The following ZNF536 variants were observed in gnomAD, a reference collection of about 807,000 sequenced individuals.
ZNF536 encodes the protein zinc finger protein 536.
Under a neutral mutation model 84.5 loss-of-function variants are expected in ZNF536, and 13 were observed. That is an observed-to-expected ratio of 0.15 (90% CI 0.10 to 0.24). The LOEUF is 0.24. Among genes scored for constraint, ZNF536 ranks in the 10% least tolerant of loss-of-function variants. The probability of loss-of-function intolerance (pLI) is 1.00; values close to 1 mark genes in which losing one functional copy is unlikely to be tolerated. For synonymous variants in ZNF536, 811 were observed against 742.5 expected, an observed-to-expected ratio of 1.09 and a Z score of -1.50; for missense variants, 1,536 against 1,747.5, an observed-to-expected ratio of 0.88 and a Z score of 2.16.
chr19:30,320,709 G>T (rs546413288), intron 2 of ZNF536, among the ~76,000 whole-genome samples: 2 of 152,152 alleles, frequency 1.3e-5, no homozygotes, highest in East Asian at 3.9e-4. Context: ...AGGGTAAAAC[G>T]CTCCCCTCCC....
chr19:30,465,731 AATTATTTTATTTTATTTT>A (rs996181821), intron 2 of ZNF536, among the ~76,000 whole-genome samples: 9 of 57,236 alleles, frequency 1.6e-4, no homozygotes, highest in African/African-American at 1.5e-3. Flanking sequence ...TGTCTATAAA[AATTATTTTATTTTATTTT>A]ATTATTTTAT....
intron 3 of ZNF536, among the ~76,000 whole-genome samples, chr19:30,366,876 G>C (rs746531170): frequency 1.3e-5 from 2 of 152,204 alleles, no homozygotes; most frequent in African/African-American, 4.8e-5. Context: ...CAAACAGGGG[G>C]ATCTGAAGCT....
At chr19:30,272,487 T>C (rs2025906734) in intron 1 of ZNF536, among the ~76,000 whole-genome samples, 1 of 152,210 alleles carries the variant, frequency 6.6e-6, no homozygotes, top group Admixed American at 6.5e-5. Flanking sequence ...ATTTTATGGG[T>C]TTTGACAACT....
intron 2 of ZNF536, among the ~76,000 whole-genome samples, chr19:30,303,829 C>T (rs151238067): frequency 9.3e-4 from 142 of 152,298 alleles, no homozygotes; most frequent in African/African-American, 3.0e-3. Flanking sequence ...CAGATACTAT[C>T]GGTGCCCCTT....
chr19:30,391,396 G>A (rs1380897126), intron 1 of ZNF536, among the ~76,000 whole-genome samples: 2 of 152,236 alleles, frequency 1.3e-5, no homozygotes, highest in East Asian at 1.9e-4. Flanking sequence ...GACCAACATC[G>A]TGAAACCCCA....
chr19:30,614,416 T>A (rs1461877273), intron 1 of ZNF536, among the ~76,000 whole-genome samples: 6 of 142,748 alleles, frequency 4.2e-5, no homozygotes, highest in Non-Finnish European at 6.0e-5. Context: ...CTCTCTTTCA[T>A]AACTGGCCAC....
At chr19:30,495,157 A>C (rs2054669239) in intron 2 of ZNF536, among the ~76,000 whole-genome samples, 1 of 152,188 alleles carries the variant, frequency 6.6e-6, no homozygotes, top group Non-Finnish European at 1.5e-5. Flanking sequence ...TTCACATAGT[A>C]CATTACTTAA....
At chr19:30,646,876 TA>T (rs985947287) in intron 1 of ZNF536, among the ~76,000 whole-genome samples, 16 of 152,136 alleles carry the variant, frequency 1.1e-4, no homozygotes, top group Non-Finnish European at 2.4e-4. Context: ...AAAAATTAAT[TA>T]AAAAAACTCA....
intron 2 of ZNF536, among the ~76,000 whole-genome samples, chr19:30,524,011 G>A (rs2044472314): frequency 6.6e-6 from 1 of 152,244 alleles, no homozygotes; most frequent in African/African-American, 2.4e-5. Context: ...ATTGTGACCT[G>A]CACTCCACGG....
rs556939169 is a variant in ZNF536, at chr19:30,319,512, A to G, written c.-119-32856A>G. On this transcript the variant is annotated intron_variant, in intron 2 of 5. Transcript: ENST00000585628. ...GATTAGCCAGCCCTTGCTTTGAGTT[A>G]GTTCTCCCTAATTCACAAAGGCTTC... Among the ~76,000 whole-genome samples, 6 of 152,346 alleles carry G rather than the reference A, an allele frequency of 3.9e-5. No individual in the cohort carries two copies. In the South Asian group the frequency reaches 1.2e-3, roughly 32 times the overall value.
At chr19:30,574,018 A>G (rs1354632380) in intron 1 of ZNF536, among the ~76,000 whole-genome samples, 2 of 152,158 alleles carry the variant, frequency 1.3e-5, no homozygotes, top group Non-Finnish European at 2.9e-5. Flanking sequence ...CTGTTTCTGG[A>G]TGATTCTTTT....
At chr19:30,507,664 AAAG>A (rs2055228954) in intron 2 of ZNF536, among the ~76,000 whole-genome samples, 1 of 152,212 alleles carries the variant, frequency 6.6e-6, no homozygotes, top group Admixed American at 6.5e-5. Flanking sequence ...AAACATTATA[AAAG>A]AAGGTTAAGA....
At chr19:30,475,504 T>G (rs571789472) in intron 2 of ZNF536, among the ~76,000 whole-genome samples, 3 of 152,248 alleles carry the variant, frequency 2.0e-5, no homozygotes, top group East Asian at 3.9e-4. Flanking sequence ...GCCTGGTATT[T>G]TGTATGTATT....
intron 1 of ZNF536, among the ~76,000 whole-genome samples, chr19:30,250,449 G>C (rs958351397): frequency 6.6e-6 from 1 of 152,152 alleles, no homozygotes; most frequent in Non-Finnish European, 1.5e-5. Context: ...GTGTGATTTC[G>C]GGTGTTGGGG....
intron 2 of ZNF536, among the ~76,000 whole-genome samples, chr19:30,509,213 G>A (rs1027212385): frequency 6.9e-6 from 1 of 145,518 alleles, no homozygotes; most frequent in Non-Finnish European, 1.5e-5. Context: ...GACAAAACTT[G>A]CAAATCGAGT....
chr19:30,445,623 C>T lies in ZNF536; in HGVS notation c.2061C>T (p.Thr687=), dbSNP rs2052291024. Residue 687 remains threonine, a synonymous_variant, in exon 2 of 5, where the codon ACC becomes ACT. Transcript: ENST00000355537. The surrounding 1 kb of genome is among the most constrained non-coding windows in gnomAD (Gnocchi z 4.5). ...AGTCCCAGTCGGTGAGCCGCTCCAC[C>T]ACGCCGGGCTCCTCTAACGTCACCG... is the stretch of plus-strand genomic sequence containing the variant. The part of the protein sequence containing the change: ...DQESQSVSRS[T]TPGSSNVTEE... 1.2e-6 allele frequency: 2 copies of T among 1,612,810 alleles called. No homozygotes were observed. Among genetic ancestry groups the T allele is most frequent in the African/African-American group, 2.7e-5 (2 of 75,048 alleles).
At chr19:30,306,342 C>G (rs2046343514) in intron 2 of ZNF536, among the ~76,000 whole-genome samples, 1 of 152,114 alleles carries the variant, frequency 6.6e-6, no homozygotes, top group African/African-American at 2.4e-5. Flanking sequence ...CACCCTATTT[C>G]CTGGCTGAAT....
At chr19:30,660,668 T>A (rs1391041006) in intron 1 of ZNF536, among the ~76,000 whole-genome samples, 2 of 152,236 alleles carry the variant, frequency 1.3e-5, no homozygotes, top group African/African-American at 4.8e-5. Context: ...GAATATATAT[T>A]TGATACAACT....
At chr19:30,386,828 C>A (rs2049361845) in intron 1 of ZNF536, among the ~76,000 whole-genome samples, 1 of 152,198 alleles carries the variant, frequency 6.6e-6, no homozygotes. Flanking sequence ...TGGTGAAAGA[C>A]ACTTGGAAAT....
Sources: gnomAD v4.1 joint callset for allele counts (sites outside exome capture counted in the v4.1 genomes callset) on GRCh38, gnomAD v4.1.1 for gene constraint, Gnocchi (gnomAD v3.1) non-coding constraint, MANE v1.5 for transcripts, NCBI Gene and HGNC (gene_info 2026-07-23, HGNC 2026-07-21) for gene names.